KHDRBS2: variants seen among roughly 807,000 people sequenced by gnomAD.
KHDRBS2 encodes the protein KH domain-containing, RNA-binding, signal transduction-associated protein 2.
A neutral mutation model predicts 44.3 loss-of-function variants in KHDRBS2; 26 were observed. That is an observed-to-expected ratio of 0.59 (90% CI 0.43 to 0.81). The LOEUF is 0.81. Ranked by LOEUF, KHDRBS2 falls within the 40% of genes least tolerant of loss-of-function variation. KHDRBS2 has a pLI of 0.00. For missense variants in KHDRBS2, 476 were observed against 433.1 expected (o/e 1.10, Z -0.88); for synonymous variants, 194 against 151.1 (o/e 1.28, Z -2.08).
chr6:61,961,867 A>G (rs1379924282), intron 4 of KHDRBS2, among the ~76,000 whole-genome samples: 1 of 152,148 alleles, frequency 6.6e-6, no homozygotes, highest in Non-Finnish European at 1.5e-5. Context: ...CTTTAAGAAC[A>G]GGACTGACAT....
At chr6:62,018,590 G>A (rs1000161230) in intron 3 of KHDRBS2, among the ~76,000 whole-genome samples, 2 of 151,644 alleles carry the variant, frequency 1.3e-5, no homozygotes, top group Non-Finnish European at 2.9e-5. Context: ...CGTGATCCGC[G>A]CGCCTTGGCC....
intron 1 of KHDRBS2, among the ~76,000 whole-genome samples, chr6:62,216,805 C>T (rs1830075841): frequency 6.7e-6 from 1 of 149,864 alleles, no homozygotes; most frequent in African/African-American, 2.5e-5. Flanking sequence ...GCCTAGATCA[C>T]TTCGGTGAGA....
intron 6 of KHDRBS2, among the ~76,000 whole-genome samples, chr6:61,830,837 C>T (rs1230539659): frequency 6.6e-6 from 1 of 152,056 alleles, no homozygotes; most frequent in African/African-American, 2.4e-5. Context: ...ATAAAGTAAA[C>T]ATGATATTAG....
intron 6 of KHDRBS2, among the ~76,000 whole-genome samples, chr6:61,736,636 G>A (rs145151166): frequency 6.6e-6 from 1 of 152,114 alleles, no homozygotes; most frequent in African/African-American, 2.4e-5. Context: ...CTGTTTCTGA[G>A]CAGGGAGGTA....
At chr6:62,081,369 G>A (rs1165137139) in intron 2 of KHDRBS2, among the ~76,000 whole-genome samples, 2 of 152,170 alleles carry the variant, frequency 1.3e-5, no homozygotes, top group Non-Finnish European at 2.9e-5. Flanking sequence ...TTGAAGGACA[G>A]AGAGGATTTA....
In KHDRBS2 at chr6:62,079,968, G is replaced by A. The variant is rs1797083731; in HGVS notation, c.220-31974C>T. Among the ~76,000 whole-genome samples the A allele has an allele frequency of 2.0e-5, 3 of 151,910 alleles. No homozygotes were observed. The South Asian group carries it at 6.2e-4, about 31-fold the overall frequency. ...CAGCACATTTGACCATGAGTTTTCT[G>A]TGGCCAAAACAAAATAAAAGATGAT... On this transcript the variant is annotated intron_variant, in intron 2 of 8. Transcript: ENST00000281156.
intron 6 of KHDRBS2, among the ~76,000 whole-genome samples, chr6:61,850,205 T>G (rs546337283): frequency 6.6e-6 from 1 of 152,074 alleles, no homozygotes; most frequent in African/African-American, 2.4e-5. Flanking sequence ...AAAACTAATA[T>G]TATTTATATT....
the KHDRBS2 span, among the ~76,000 whole-genome samples, chr6:61,621,550 AAATGAGGTCTGTTCCAATAAGGG>A: frequency 3.9e-5 from 6 of 152,214 alleles, no homozygotes; most frequent in Non-Finnish European, 7.3e-5. Context: ...ATACACAGCC[AAATGAGGTCTGTTCCAATAAGGG>A]AAAATCTGGC....
At chr6:61,744,824 T>C (rs1213124837) in intron 6 of KHDRBS2, among the ~76,000 whole-genome samples, 1 of 152,154 alleles carries the variant, frequency 6.6e-6, no homozygotes. Context: ...ACAAACCTTG[T>C]CAATTGTCAA....
At chr6:61,977,982 T>C in intron 4 of KHDRBS2, 84 bp downstream of exon 4, 1 of 1,199,726 alleles carries the variant, frequency 8.3e-7, no homozygotes, top group Non-Finnish European at 1.2e-6. Context: ...TGAGTTTCCT[T>C]TTAAAAAGTC....
chr6:62,154,236 A>G (rs1188575570), intron 2 of KHDRBS2, among the ~76,000 whole-genome samples: 1 of 152,174 alleles, frequency 6.6e-6, no homozygotes, highest in East Asian at 1.9e-4. Flanking sequence ...CTCCAGGGAC[A>G]CACCACCACT....
At chr6:61,693,058 G>T (rs932147864) in intron 8 of KHDRBS2, among the ~76,000 whole-genome samples, 4 of 151,980 alleles carry the variant, frequency 2.6e-5, no homozygotes, top group African/African-American at 9.7e-5. Context: ...GGAGATATGA[G>T]ATTTATATTT....
chr6:61,709,560 C>T (rs1770154228), intron 7 of KHDRBS2, among the ~76,000 whole-genome samples: 2 of 151,658 alleles, frequency 1.3e-5, no homozygotes, highest in Non-Finnish European at 3.0e-5. Context: ...AAACACTCTT[C>T]AATATCTTCT....
intron 2 of KHDRBS2, among the ~76,000 whole-genome samples, chr6:62,093,104 T>A (rs1799782974): frequency 6.6e-6 from 1 of 151,922 alleles, no homozygotes; most frequent in Non-Finnish European, 1.5e-5. Context: ...AATAAAATCC[T>A]CTACTTTTAA....
intron 1 of KHDRBS2, among the ~76,000 whole-genome samples, chr6:62,278,193 A>G (rs972479918): frequency 2.0e-5 from 3 of 152,346 alleles, no homozygotes; most frequent in African/African-American, 7.2e-5. Flanking sequence ...TCCAATGAAG[A>G]TATATTTCTC....
intron 4 of KHDRBS2, among the ~76,000 whole-genome samples, chr6:61,970,408 A>C (rs888575592): frequency 6.6e-6 from 1 of 152,096 alleles, no homozygotes; most frequent in African/African-American, 2.4e-5. Flanking sequence ...GCAACACCTG[A>C]GCATATCTTG....
At chr6:61,948,314 T>C (rs1764016734) in intron 4 of KHDRBS2, among the ~76,000 whole-genome samples, 1 of 152,152 alleles carries the variant, frequency 6.6e-6, no homozygotes, top group Non-Finnish European at 1.5e-5. Context: ...ATCTGTGTGA[T>C]TTATGTAATT....
chr6:61,897,297 T>C (rs1803090581), intron 5 of KHDRBS2, among the ~76,000 whole-genome samples: 1 of 152,130 alleles, frequency 6.6e-6, no homozygotes, highest in South Asian at 2.1e-4. Flanking sequence ...CTTAAATGAA[T>C]ACTCCAATTT....
the KHDRBS2 span, among the ~76,000 whole-genome samples, chr6:61,629,089 T>C: frequency 6.6e-6 from 1 of 152,232 alleles, no homozygotes; most frequent in African/African-American, 2.4e-5. Flanking sequence ...ATTGTCCATA[T>C]TGTCCTGCTG....
Sources: gnomAD v4.1 joint callset for allele counts (sites outside exome capture counted in the v4.1 genomes callset) on GRCh38, gnomAD v4.1.1 for gene constraint, MANE v1.5 for transcripts, NCBI Gene and HGNC (gene_info 2026-07-23, HGNC 2026-07-21) for gene names.